Variants in NRXN1 observed in about 807,000 individuals in gnomAD.
The protein encoded by NRXN1 is neurexin-1.
A neutral mutation model predicts 150.9 loss-of-function variants in NRXN1; 39 were observed. That is an observed-to-expected ratio of 0.26 (90% CI 0.20 to 0.34). The LOEUF (loss-of-function observed/expected upper bound fraction) is 0.34. Among genes scored for constraint, NRXN1 ranks in the 10% least tolerant of loss-of-function variants. The pLI, the probability that NRXN1 is intolerant of heterozygous loss-of-function variation, is 1.00. For missense variants in NRXN1, 1,815 were observed against 1,949.9 expected, an observed-to-expected ratio of 0.93 and a Z score of 1.30; for synonymous variants, 924 against 757.0, an observed-to-expected ratio of 1.22 and a Z score of -3.62.
chr2:50,116,610 A>G (rs17039863), intron 18 of NRXN1, among the ~76,000 whole-genome samples: 41,963 of 151,872 alleles, frequency 0.28, 6,239 homozygotes, highest in Admixed American at 0.41. Context: ...AGATCTGAAC[A>G]TATACAGATG....
At chr2:50,302,912 GCCATCCAT>G (rs10540394) in intron 17 of NRXN1, among the ~76,000 whole-genome samples, 115,685 of 151,416 alleles carry the variant, frequency 0.76, 44,334 homozygotes, top group East Asian at 0.87. Flanking sequence ...AGTCTACCAG[GCCATCCAT>G]CCATCCATCC....
intron 17 of NRXN1, among the ~76,000 whole-genome samples, chr2:50,424,941 T>C (rs2084361333): frequency 6.6e-6 from 1 of 152,236 alleles, no homozygotes; most frequent in Admixed American, 6.5e-5. Flanking sequence ...TAGTTCTTCA[T>C]TCTACATTTA....
rs183843563 is a variant in NRXN1 at position 50,923,303 on chromosome 2, G to A, written c.791-616C>T. ...AAGCTAGAATTTACTACAAAAAAGGGTTTTTAAGAAACAATGGGTCAGCTG... is the reference window on the plus strand; with the variant it reads ...AAGCTAGAATTTACTACAAAAAAGGATTTTTAAGAAACAATGGGTCAGCTG... On this transcript the variant is annotated intron_variant, in intron 3 of 22. Coordinates refer to ENST00000401669, the MANE Select transcript of NRXN1 (RefSeq NM_001330078.2). 4.5e-4 allele frequency: 84 copies of A among 188,398 alleles called. 1 individual carries two copies. Among genetic ancestry groups the A allele is most frequent in the Middle Eastern group, 2.4e-3 (3 of 1,260 alleles). The allele number at this position is 188,398 out of a possible 1,614,324, so 11.7% of individuals were successfully genotyped here. A position where few individuals can be genotyped will look rare whatever the true frequency, so the allele number is the denominator to read the frequency against.
At chr2:50,381,572 CAA>C (rs2080974051) in intron 17 of NRXN1, among the ~76,000 whole-genome samples, 1 of 135,228 alleles carries the variant, frequency 7.4e-6, no homozygotes, top group African/African-American at 2.9e-5. Context: ...CACACACACA[CAA>C]TCTGCTTTTG....
intron 17 of NRXN1, among the ~76,000 whole-genome samples, chr2:50,300,745 G>C (rs550920193): frequency 6.6e-6 from 1 of 152,284 alleles, no homozygotes; most frequent in East Asian, 1.9e-4. Flanking sequence ...ACCCAGGCTG[G>C]AGTGCAATGG....
At chr2:50,602,759 G>C (rs1177678419) in intron 8 of NRXN1, among the ~76,000 whole-genome samples, 1 of 152,184 alleles carries the variant, frequency 6.6e-6, no homozygotes, top group Admixed American at 6.5e-5. Context: ...AGAAAAGAAA[G>C]CATGTTTTGA....
Position 50,233,398 on chromosome 2 carries a change from T to C in NRXN1, c.3546+3391A>G, listed in dbSNP as rs572327626. Reference sequence around the variant, plus strand: ...TTTTTAAGAGTACAGTTAATCAAAATTTTTAAAAATCCAACATTTTTATTC... The same window carrying C: ...TTTTTAAGAGTACAGTTAATCAAAACTTTTAAAAATCCAACATTTTTATTC... On this transcript the variant is annotated intron_variant, in intron 18 of 22. Coordinates refer to ENST00000401669, the MANE Select transcript of NRXN1 (RefSeq NM_001330078.2). Among the ~76,000 whole-genome samples the C allele has an allele frequency of 2.0e-5, 3 of 152,058 alleles. No homozygotes were observed. The East Asian group carries it at 5.8e-4, about 29-fold the overall frequency.
chr2:50,736,666 G>A (rs1357170112), intron 5 of NRXN1, among the ~76,000 whole-genome samples: 4 of 152,032 alleles, frequency 2.6e-5, no homozygotes, highest in Non-Finnish European at 5.9e-5. Context: ...ATTCTCTCTT[G>A]TCTGCTGCCA....
At chr2:50,267,596 C>T (rs534034713) in intron 17 of NRXN1, among the ~76,000 whole-genome samples, 1 of 152,164 alleles carries the variant, frequency 6.6e-6, no homozygotes, top group Non-Finnish European at 1.5e-5. Context: ...ATTTAAATTA[C>T]CACAACATTG....
At chr2:50,999,742 T>C (rs916712169) in intron 2 of NRXN1, among the ~76,000 whole-genome samples, 2 of 151,946 alleles carry the variant, frequency 1.3e-5, no homozygotes, top group African/African-American at 4.8e-5. Context: ...TTTTCTTCCA[T>C]TTCCACTCTA....
intron 21 of NRXN1, among the ~76,000 whole-genome samples, chr2:50,003,529 A>G (rs1317350445): frequency 6.6e-6 from 1 of 152,114 alleles, no homozygotes; most frequent in East Asian, 1.9e-4. Flanking sequence ...AGTTGATAAA[A>G]TCTGTTGGCA....
Position 50,921,884 on chromosome 2 carries a change from T to C in NRXN1, c.821-4A>G, listed in dbSNP as rs768708962. ...AATGTAATACCTTTACTTTTACCTA[T>C]GGATTTGATGAAATGGGTCCATGAA... On this transcript the variant is annotated splice_region_variant and splice_polypyrimidine_tract_variant and intron_variant, in intron 4 of 22. Coordinates refer to ENST00000401669, the MANE Select transcript of NRXN1 (RefSeq NM_001330078.2). 3.2e-5 allele frequency: 45 copies of C among 1,404,892 alleles called. No homozygotes were observed. In the East Asian group the frequency reaches 9.0e-4, roughly 28 times the overall value. The allele number at this position is 1,404,892 out of a possible 1,614,324, so 87.0% of individuals were successfully genotyped here. A position where few individuals can be genotyped will look rare whatever the true frequency, so the allele number is the denominator to read the frequency against.
At chr2:50,415,951 C>CAA (rs2083503842) in intron 17 of NRXN1, among the ~76,000 whole-genome samples, 2 of 103,296 alleles carry the variant, frequency 1.9e-5, no homozygotes, top group African/African-American at 7.0e-5. Context: ...TATTCAACAA[C>CAA]ATACAAAAAA....
intron 17 of NRXN1, among the ~76,000 whole-genome samples, chr2:50,448,970 C>T (rs1391494798): frequency 1.3e-5 from 2 of 152,108 alleles, no homozygotes; most frequent in African/African-American, 4.8e-5. Context: ...TTTTCATGAA[C>T]GCCAAATGAC....
intron 2 of NRXN1, among the ~76,000 whole-genome samples, chr2:50,972,677 C>A (rs1695195287): frequency 6.6e-6 from 1 of 151,984 alleles, no homozygotes; most frequent in African/African-American, 2.4e-5. Flanking sequence ...AGTGACAGAT[C>A]ATCAGGTATC....
chr2:50,244,255 A>G (rs2066296119), intron 17 of NRXN1, among the ~76,000 whole-genome samples: 1 of 151,922 alleles, frequency 6.6e-6, no homozygotes, highest in Non-Finnish European at 1.5e-5. Context: ...TTTAAAATGT[A>G]AATAGATCCA....
chr2:50,456,725 C>T (rs1358093872), intron 17 of NRXN1, among the ~76,000 whole-genome samples: 1 of 151,950 alleles, frequency 6.6e-6, no homozygotes, highest in African/African-American at 2.4e-5. Flanking sequence ...AAATGAGGGG[C>T]CCTTGGTCTT....
intron 5 of NRXN1, among the ~76,000 whole-genome samples, chr2:50,767,725 G>C (rs1337865978): frequency 6.6e-6 from 1 of 151,968 alleles, no homozygotes; most frequent in Non-Finnish European, 1.5e-5. Flanking sequence ...TCCACATGTT[G>C]AGTTTGTTCA....
At chr2:50,198,692 T>C (rs922231283) in intron 18 of NRXN1, among the ~76,000 whole-genome samples, 5 of 152,110 alleles carry the variant, frequency 3.3e-5, no homozygotes, top group East Asian at 1.9e-4. Context: ...CAAGATGTCA[T>C]TAAAGTGCAG....
Sources: allele counts gnomAD v4.1 joint callset (sites outside exome capture counted in the v4.1 genomes callset), GRCh38; gene constraint gnomAD v4.1.1; transcripts MANE v1.5; gene names NCBI Gene and HGNC (gene_info 2026-07-23, HGNC 2026-07-21).